SNX1: variants seen among roughly 807,000 people sequenced by gnomAD.
SNX1 encodes the protein sorting nexin-1.
A neutral mutation model predicts 71.8 loss-of-function variants in SNX1; 36 were observed. The observed-to-expected ratio is 0.50, with a 90% CI of 0.38 to 0.66. The LOEUF (loss-of-function observed/expected upper bound fraction) is 0.66, where lower values mean the gene tolerates loss of function less well. Ranked by LOEUF, SNX1 falls within the 30% of genes least tolerant of loss-of-function variation. The pLI, the probability that SNX1 is intolerant of heterozygous loss-of-function variation, is 0.00. For missense variants in SNX1, 612 were observed against 646.7 expected (o/e 0.95, Z 0.58); for synonymous variants, 254 against 240.7 (o/e 1.06, Z -0.51).
chr15:64,114,827 A>G (rs2081112545), intron 2 of SNX1, among the ~76,000 whole-genome samples: 1 of 152,194 alleles, frequency 6.6e-6, no homozygotes. Flanking sequence ...TTATTCTGAT[A>G]CTGATTATTT....
At chr15:64,130,369 T>G in intron 10 of SNX1, 48 bp downstream of exon 10, 5 of 1,446,150 alleles carry the variant, frequency 3.5e-6, no homozygotes, top group Non-Finnish European at 4.9e-6. Flanking sequence ...TTGTTGTCTC[T>G]AGTGAACTGG....
chr15:64,102,122 T>G (rs2080968720), intron 1 of SNX1, among the ~76,000 whole-genome samples: 1 of 152,228 alleles, frequency 6.6e-6, no homozygotes, highest in Non-Finnish European at 1.5e-5. Flanking sequence ...ATTGCTGTTT[T>G]GATAAAAATT....
In SNX1 at chr15:64,134,711, C is replaced by G. The variant is rs989177938; in HGVS notation, c.1269C>G (p.Ala423=). The change falls in exon 12 of 15, where the codon GCC becomes GCG. Residue 423 remains alanine (A), a synonymous_variant. Transcript: ENST00000559844. The surrounding 1 kb of genome is among the most constrained non-coding windows in gnomAD (Gnocchi z 4.1). ...AGACATGGCAGCGCTGGCAGGATGC[C>G]CAAGCCACACTGCAGAAGAAGCGGG... ...RMKTWQRWQD[A]QATLQKKREA... 2 of 1,613,458 alleles carry G rather than the reference C, an allele frequency of 1.2e-6. No homozygotes were observed. The highest frequency in any genetic ancestry group is 1.7e-6 in the Non-Finnish European group (2 of 1,180,010).
At chr15:64,112,788 C>T in intron 2 of SNX1, 104 bp downstream of exon 2, 1 of 651,604 alleles carries the variant, frequency 1.5e-6, no homozygotes, top group Non-Finnish European at 2.6e-6. Context: ...GGGAACATAA[C>T]TTTATGTAAA....
intron 1 of SNX1, among the ~76,000 whole-genome samples, chr15:64,112,311 G>A (rs2081085002): frequency 6.6e-6 from 1 of 152,224 alleles, no homozygotes; most frequent in Non-Finnish European, 1.5e-5. Context: ...TTATCTGTGT[G>A]TACACATACC....
In SNX1 at chr15:64,137,800, T is replaced by G; in HGVS notation, c.*182T>G. The G allele has an allele frequency of 1.3e-5, 18 of 1,428,406 alleles. No homozygotes were observed. Among genetic ancestry groups the G allele is most frequent in the Non-Finnish European group, 1.6e-5 (18 of 1,091,602 alleles). 88.5% of individuals were successfully genotyped at this position (1,428,406 alleles called of 1,614,324 possible). On this transcript the variant is annotated 3_prime_UTR_variant, in exon 15 of 15. Transcript: ENST00000559844. ...TTATTTCATTTAGCTTCCATATATA[T>G]TTTCTTACCTAAGAGAATAGTTTCC... is the stretch of plus-strand genomic sequence containing the variant.
chr15:64,113,526 A>G (rs2081098732), intron 2 of SNX1, among the ~76,000 whole-genome samples: 2 of 152,190 alleles, frequency 1.3e-5, no homozygotes, highest in Admixed American at 6.5e-5. Context: ...AACCCTGTCT[A>G]AAGTGATCTT....
Position 64,134,896 on chromosome 15 carries a change from CAG to C in SNX1, c.1365+90_1365+91del, listed in dbSNP as rs1293100680. 1.3e-6 allele frequency: 2 copies of C among 1,522,368 alleles called. No homozygotes were observed. The highest frequency in any genetic ancestry group is 2.7e-5 in the African/African-American group (2 of 72,808). The allele number at this position is 1,522,368 out of a possible 1,614,324, so 94.3% of individuals were successfully genotyped here. The stretch of plus-strand genomic sequence containing the variant: ...TCCCACCCAGAGGTTTGGAACCCCA[CAG>C]GGGGAAGAGCGCTGATTGAGTCTAA... On this transcript the variant is annotated intron_variant, in intron 12 of 14. Coordinates refer to ENST00000559844, the MANE Select transcript of SNX1 (RefSeq NM_003099.5). This position sits in a 1 kb window ranked among gnomAD's most constrained non-coding sequence, Gnocchi z 4.1.
At chr15:64,116,460 C>A (rs756540074) in intron 2 of SNX1, among the ~76,000 whole-genome samples, 1 of 152,176 alleles carries the variant, frequency 6.6e-6, no homozygotes, top group South Asian at 2.1e-4. Flanking sequence ...TTCTCACTTT[C>A]CTGATAGGGA....
intron 10 of SNX1, 76 bp downstream of exon 10, chr15:64,130,397 G>A: frequency 8.5e-7 from 1 of 1,174,894 alleles, no homozygotes; most frequent in Non-Finnish European, 1.3e-6. Flanking sequence ...AGGGCATGCT[G>A]TTCCAATCCT....
intron 5 of SNX1, 75 bp downstream of exon 5, chr15:64,123,621 T>C (rs2096935384): frequency 1.7e-6 from 2 of 1,208,148 alleles, no homozygotes; most frequent in Non-Finnish European, 2.5e-6. Context: ...ATTCAGATTA[T>C]TTCTGGGTAT....
rs1595977846 is a variant in SNX1, at chr15:64,105,213, T to C, written c.160-7360T>C. Among the ~76,000 whole-genome samples the C allele has an allele frequency of 3.0e-5, 3 of 101,684 alleles. No individual in the cohort carries two copies. In the South Asian group the frequency reaches 7.5e-4, roughly 26 times the overall value. 66.7% of individuals were successfully genotyped at this position (101,684 alleles called of 152,430 possible). ...CAGCCTGGGGGATACAGCGAGACTC[T>C]GTCTCAAAAAAAAAAAAAAATTAGG... On this transcript the variant is annotated intron_variant, in intron 1 of 14. Transcript: ENST00000559844.
intron 1 of SNX1, 139 bp downstream of exon 1, chr15:64,096,311 C>T: frequency 1.9e-6 from 2 of 1,035,720 alleles, no homozygotes; most frequent in Non-Finnish European, 2.7e-6. Context: ...CCCGGGGACC[C>T]TGGATGTGCT....
chr15:64,109,092 T>G (rs1431962041), intron 1 of SNX1, among the ~76,000 whole-genome samples: 1 of 151,076 alleles, frequency 6.6e-6, no homozygotes, highest in Non-Finnish European at 1.5e-5. Flanking sequence ...AGACCTAGGG[T>G]AGGCGCAGTG....
At chr15:64,123,627 G>A in intron 5 of SNX1, 81 bp downstream of exon 5, 4 of 1,171,624 alleles carry the variant, frequency 3.4e-6, no homozygotes, top group South Asian at 2.5e-5. Flanking sequence ...ATTATTTCTG[G>A]GTATCTCCTT....
chr15:64,133,783 G>A (rs1433624423), intron 11 of SNX1, among the ~76,000 whole-genome samples: 1 of 152,210 alleles, frequency 6.6e-6, no homozygotes, highest in African/African-American at 2.4e-5. Flanking sequence ...GGGAGCCGCT[G>A]GAACCCGGCT....
At chr15:64,115,259 C>G (rs983854910) in intron 2 of SNX1, among the ~76,000 whole-genome samples, 2 of 152,138 alleles carry the variant, frequency 1.3e-5, no homozygotes, top group Non-Finnish European at 2.9e-5. Flanking sequence ...TTTTAAGTAG[C>G]CAATACCTGC....
chr15:64,122,578 T>C (rs2140148877), intron 4 of SNX1, among the ~76,000 whole-genome samples: 1 of 152,256 alleles, frequency 6.6e-6, no homozygotes, highest in South Asian at 2.1e-4. Context: ...TTCCTTCCCT[T>C]GGCCCCTCAC....
chr15:64,121,338 A>G (rs929516233), intron 4 of SNX1, among the ~76,000 whole-genome samples: 1 of 152,330 alleles, frequency 6.6e-6, no homozygotes, highest in African/African-American at 2.4e-5. Flanking sequence ...TGAAGGTGCT[A>G]GGGAAGGACT....
Sources: allele counts gnomAD v4.1 joint callset (sites outside exome capture counted in the v4.1 genomes callset), GRCh38; gene constraint gnomAD v4.1.1; non-coding constraint Gnocchi (gnomAD v3.1); transcripts MANE v1.5; gene names NCBI Gene and HGNC (gene_info 2026-07-23, HGNC 2026-07-21).